DUSP4: variants seen among roughly 807,000 people sequenced by gnomAD.
DUSP4 encodes the protein dual specificity protein phosphatase 4.
Under a neutral mutation model 27.2 loss-of-function variants are expected in DUSP4, and 12 were observed. That is an observed-to-expected ratio of 0.44 (90% CI 0.28 to 0.71). The LOEUF is 0.71. Ranked by LOEUF, DUSP4 falls within the 30% of genes least tolerant of loss-of-function variation. The pLI, the probability that DUSP4 is intolerant of heterozygous loss-of-function variation, is 0.14. For missense variants in DUSP4, 448 were observed against 551.3 expected (o/e 0.81, Z 1.88); for synonymous variants, 257 against 245.2 (o/e 1.05, Z -0.45).
rs373478174 is a variant in DUSP4, at chr8:29,338,438, C to T, written c.643G>A (p.Asp215Asn). The T allele has an allele frequency of 6.2e-7, 1 of 1,614,206 alleles. No homozygotes were observed. Among genetic ancestry groups the T allele is most frequent in the Non-Finnish European group, 8.5e-7 (1 of 1,180,032 alleles). ...LGSAYHAARRDMLDALGITAL... is the reference protein window; with the variant it reads ...LGSAYHAARRNMLDALGITAL... The stretch of plus-strand genomic sequence containing the variant: ...GTGATGCCCAGGGCGTCCAGCATGT[C>T]TCTCCGGGCAGCATGGTAGGCACTG... Residue 215 changes from aspartate to asparagine, a missense_variant, in exon 3 of 4, where the codon GAC becomes AAC. By Grantham distance (23) the Asp-to-Asn change is conservative. Around this residue, in one of 3 missense-constraint regions of DUSP4, gnomAD observed 345 missense variants for 394.0 expected, o/e 0.88. Coordinates refer to ENST00000240100, the MANE Select transcript of DUSP4 (RefSeq NM_001394.7).
At position 29,337,154 on chromosome 8, in the gene DUSP4, G is replaced by A. The variant is rs370779406; in HGVS notation, c.1057C>T (p.Arg353Trp). 45 of 1,610,890 alleles carry A rather than the reference G, an allele frequency of 2.8e-5. No individual in the cohort carries two copies. The highest frequency in any genetic ancestry group is 5.3e-5 in the African/African-American group (4 of 74,880). Reference sequence around the variant, plus strand: ...GTGGGGGTGGCGGGGGTCTTGCCCCGCTCCCGCAGGGGTCCCGAGGGGCTA... The same window carrying A: ...GTGGGGGTGGCGGGGGTCTTGCCCCACTCCCGCAGGGGTCCCGAGGGGCTA... ...AASPSGPLRE[R>W]GKTPATPTSQ... Residue 353 changes from arginine to tryptophan, a missense_variant, in exon 4 of 4, where the codon CGG becomes TGG. Physicochemically the swap from Arg to Trp is moderately radical, Grantham distance 101. This residue lies in a region of DUSP4 where 100 missense variants were observed against 139.8 expected (regional missense o/e 0.72). Transcript: ENST00000240100. The surrounding 1 kb of genome is among the most constrained non-coding windows in gnomAD (Gnocchi z 6.4).
Position 29,350,492 on chromosome 8 carries a change from C to A in DUSP4, c.-214G>T. 1.7e-6 allele frequency: 1 copy of A among 590,130 alleles called. No individual in the cohort carries two copies. The highest frequency in any genetic ancestry group is 2.8e-6 in the Non-Finnish European group (1 of 358,772). 36.6% of individuals were successfully genotyped at this position (590,130 alleles called of 1,614,324 possible). A position where few individuals can be genotyped will look rare whatever the true frequency, so the allele number is the denominator to read the frequency against. ...ACATAGCAGTCGGAGCGGCCTCGGG[C>A]GCCCAGCCGGGCGGCGCGCAGAGCG... On this transcript the variant is annotated 5_prime_UTR_variant, in exon 1 of 4. Coordinates refer to ENST00000240100, the MANE Select transcript of DUSP4 (RefSeq NM_001394.7).
rs1817807397 is a variant in DUSP4, at chr8:29,350,478, G to A, written c.-200C>T. ...GCAGCCTCGCGGTCACATAGCAGTC[G>A]GAGCGGCCTCGGGCGCCCAGCCGGG... On this transcript the variant is annotated 5_prime_UTR_variant, in exon 1 of 4. Transcript: ENST00000240100. The A allele has an allele frequency of 1.5e-6, 1 of 658,430 alleles. No homozygotes were observed. Among genetic ancestry groups the A allele is most frequent in the Non-Finnish European group, 2.4e-6 (1 of 415,712 alleles). 40.8% of individuals were successfully genotyped at this position (658,430 alleles called of 1,614,324 possible).
chr8:29,339,165 A>G (rs1321095246), intron 2 of DUSP4, among the ~76,000 whole-genome samples: 2 of 152,252 alleles, frequency 1.3e-5, no homozygotes, highest in African/African-American at 2.4e-5. Flanking sequence ...CCTGGGTAAC[A>G]GAGTGAGACT....
rs977078111 is a variant in DUSP4 at position 29,350,045 on chromosome 8, C to G, written c.234G>C (p.Lys78Asn). 6.3e-7 allele frequency: 1 copy of G among 1,596,080 alleles called. No homozygotes were observed. The highest frequency in any genetic ancestry group is 8.5e-7 in the Non-Finnish European group (1 of 1,173,140). Residue 78 changes from lysine (K) to asparagine (N), a missense_variant, in exon 1 of 4, where the codon AAG (lysine) becomes AAC (asparagine). Around this residue, in one of 3 missense-constraint regions of DUSP4, gnomAD observed 345 missense variants for 394.0 expected, o/e 0.88. Transcript: ENST00000240100. ...RCNTIVRRRA[K>N]GSVSLEQILP... ...GGATCTGCTCCAGGCTCACGGAGCC[C>G]TTAGCCCGCCGCCGCACGATGGTGT...
At position 29,338,399 on chromosome 8, in the gene DUSP4, C is replaced by A. The variant is rs931551917; in HGVS notation, c.682G>T (p.Val228Phe). 1 of 1,614,172 alleles carries A rather than the reference C, an allele frequency of 6.2e-7. No homozygotes were observed. Among genetic ancestry groups the A allele is most frequent in the Non-Finnish European group, 8.5e-7 (1 of 1,180,026 alleles). The stretch of plus-strand genomic sequence containing the variant: ...AAGTGGTTTGGGCAGTCCGAGGAGA[C>A]ATTCAACAGAGCCGTGATGCCCAGG... ...DALGITALLNVSSDCPNHFEG... is the reference protein window; with the variant it reads ...DALGITALLNFSSDCPNHFEG... The change falls in exon 3 of 4, where the codon GTC becomes TTC. Residue 228 changes from valine (V) to phenylalanine (F), a missense_variant. Val to Phe is a conservative substitution (Grantham distance 50). This residue lies in a region of DUSP4 where 345 missense variants were observed against 394.0 expected (regional missense o/e 0.88). Coordinates refer to ENST00000240100, the MANE Select transcript of DUSP4 (RefSeq NM_001394.7).
Position 29,337,310 on chromosome 8 carries a change from C to A in DUSP4, c.901G>T (p.Val301Leu). Residue 301 changes from valine (V) to leucine (L), a missense_variant, in exon 4 of 4, where the codon GTG becomes TTG. Physicochemically the swap from Val to Leu is conservative, Grantham distance 32 (BLOSUM62 1). This residue lies in a region of DUSP4 where 100 missense variants were observed against 139.8 expected (regional missense o/e 0.72). Transcript: ENST00000240100. The surrounding 1 kb of genome is among the most constrained non-coding windows in gnomAD (Gnocchi z 6.4). ...CLAYLMMKKR[V>L]RLEEAFEFVK... ...AACTCGAAGGCCTCCTCCAGCCTCA[C>A]CCGTTTCTTCATCATCAGGTAGGCC... 2.5e-6 allele frequency: 4 copies of A among 1,613,088 alleles called. No homozygotes were observed. Among genetic ancestry groups the A allele is most frequent in the Non-Finnish European group, 3.4e-6 (4 of 1,180,002 alleles).
At position 29,350,318 on chromosome 8, in the gene DUSP4, G is replaced by A. The variant is rs1199453101; in HGVS notation, c.-40C>T. ...GAGGCGGCTGGGCGCGCGAGGAAGAGAAGAGAACCCGGGCCGCCTAGGCTG... is the reference window on the plus strand; with the variant it reads ...GAGGCGGCTGGGCGCGCGAGGAAGAAAAGAGAACCCGGGCCGCCTAGGCTG... On this transcript the variant is annotated 5_prime_UTR_variant, in exon 1 of 4. Transcript: ENST00000240100. The A allele has an allele frequency of 1.3e-6, 2 of 1,539,496 alleles. No homozygotes were observed. The highest frequency in any genetic ancestry group is 2.5e-5 in the South Asian group (2 of 79,644).
At chr8:29,348,917 C>A (rs986264943) in intron 1 of DUSP4, 1 of 389,448 alleles carries the variant, frequency 2.6e-6, no homozygotes, top group African/African-American at 2.1e-5. Context: ...CGCGCCCTGC[C>A]CGCTCCCTAG....
intron 1 of DUSP4, among the ~76,000 whole-genome samples, chr8:29,343,036 C>A (rs1473799666): frequency 2.6e-5 from 4 of 151,780 alleles, no homozygotes; most frequent in African/African-American, 9.7e-5. Context: ...GGCGTGGTGG[C>A]GGGTGTCTGT....
chr8:29,336,605 A>C lies in DUSP4; in HGVS notation c.*421T>G, dbSNP rs1459970905. 1 of 166,256 alleles carries C rather than the reference A, an allele frequency of 6.0e-6. No individual in the cohort carries two copies. The allele number at this position is 166,256 out of a possible 1,614,324, so 10.3% of individuals were successfully genotyped here. A position where few individuals can be genotyped will look rare whatever the true frequency, so the allele number is the denominator to read the frequency against. ...AACAAAGGGACAAGTACACAGAACCAGGCACTTCTGGGAAACTTGTCTTCT... is the reference window on the plus strand; with the variant it reads ...AACAAAGGGACAAGTACACAGAACCCGGCACTTCTGGGAAACTTGTCTTCT... On this transcript the variant is annotated 3_prime_UTR_variant, in exon 4 of 4. Transcript: ENST00000240100.
intron 1 of DUSP4, among the ~76,000 whole-genome samples, chr8:29,347,185 C>T (rs530037164): frequency 6.6e-6 from 1 of 152,318 alleles, no homozygotes; most frequent in South Asian, 2.1e-4. Context: ...GCCCCAGAGC[C>T]CCCTCCCGGG....
chr8:29,341,395 G>A (rs1181001868), intron 1 of DUSP4, among the ~76,000 whole-genome samples: 1 of 152,174 alleles, frequency 6.6e-6, no homozygotes, highest in Non-Finnish European at 1.5e-5. Flanking sequence ...AGTCACTTGC[G>A]CCAAATCCCA....
intron 1 of DUSP4, among the ~76,000 whole-genome samples, chr8:29,342,305 G>A (rs1308200042): frequency 2.0e-5 from 3 of 152,188 alleles, no homozygotes; most frequent in Non-Finnish European, 1.5e-5. Flanking sequence ...GTGCAGCCCG[G>A]GCCTCCTGAA....
chr8:29,350,321 G>C lies in DUSP4; in HGVS notation c.-43C>G. On this transcript the variant is annotated 5_prime_UTR_variant, in exon 1 of 4. Transcript: ENST00000240100. ...GCGGCTGGGCGCGCGAGGAAGAGAA[G>C]AGAACCCGGGCCGCCTAGGCTGCAG... The C allele has an allele frequency of 6.5e-7, 1 of 1,534,202 alleles. No individual in the cohort carries two copies. The highest frequency in any genetic ancestry group is 8.7e-7 in the Non-Finnish European group (1 of 1,144,262).
chr8:29,339,838 C>T (rs868533485), intron 2 of DUSP4, among the ~76,000 whole-genome samples: 1 of 140,086 alleles, frequency 7.1e-6, no homozygotes, highest in Non-Finnish European at 1.6e-5. Flanking sequence ...ACCCCCCCCC[C>T]CCATCTCTAC....
chr8:29,346,169 G>T, intron 1 of DUSP4: 1 of 733,802 alleles, frequency 1.4e-6, no homozygotes, highest in Non-Finnish European at 1.7e-6. Flanking sequence ...CTTAGTGACT[G>T]TTTTCTACAG....
At chr8:29,345,598 C>T in intron 1 of DUSP4, 3 of 1,500,432 alleles carry the variant, frequency 2.0e-6, no homozygotes, top group Non-Finnish European at 1.8e-6. Context: ...TTCAGATGTT[C>T]TGATTTTTTT....
At position 29,350,201 on chromosome 8, in the gene DUSP4, G is replaced by A. The variant is rs1364488887; in HGVS notation, c.78C>T (p.Gly26=). 2 of 1,608,278 alleles carry A rather than the reference G, an allele frequency of 1.2e-6. No homozygotes were observed. Among genetic ancestry groups the A allele is most frequent in the Admixed American group, 1.7e-5 (1 of 59,800 alleles). The change falls in exon 1 of 4, where the codon GGC becomes GGT. Residue 26 remains glycine, a synonymous_variant. Transcript: ENST00000240100. ...CGTGGCTGCCGCTGCCGCCCGCGCC[G>A]CCGCCATTCTCGTCCCGGTTCATCA... ...KRLMNRDENG[G]GAGGSGSHGT...
Sources: gnomAD v4.1 joint callset for allele counts (sites outside exome capture counted in the v4.1 genomes callset) on GRCh38, gnomAD v4.1.1 for gene constraint, gnomAD v4.1.1 regional missense constraint, Gnocchi (gnomAD v3.1) non-coding constraint, MANE v1.5 for transcripts, NCBI Gene and HGNC (gene_info 2026-07-23, HGNC 2026-07-21) for gene names.